Variants in PPM1E observed in about 807,000 individuals in gnomAD.
The protein encoded by PPM1E is protein phosphatase, Mg2+/Mn2+ dependent 1E.
Under a neutral mutation model 65.9 loss-of-function variants are expected in PPM1E, and 20 were observed. That is an observed-to-expected ratio of 0.30 (90% confidence interval 0.21 to 0.44). The LOEUF (loss-of-function observed/expected upper bound fraction) is 0.44, where lower values mean the gene tolerates loss of function less well. Among genes scored for constraint, PPM1E ranks in the 20% least tolerant of loss-of-function variants. The pLI is 1.00. For synonymous variants in PPM1E, 352 were observed against 374.9 expected, an observed-to-expected ratio of 0.94 and a Z score of 0.70; for missense variants, 713 against 953.1, an observed-to-expected ratio of 0.75 and a Z score of 3.32.
intron 1 of PPM1E, among the ~76,000 whole-genome samples, chr17:58,876,250 G>A (rs1025711534): frequency 3.3e-5 from 5 of 152,192 alleles, no homozygotes; most frequent in African/African-American, 1.2e-4. Context: ...ACTTTTGTGA[G>A]CTTGATTAAT....
At position 58,980,487 on chromosome 17, in the gene PPM1E, T is replaced by C. The variant is rs759516881; in HGVS notation, c.1724T>C (p.Ile575Thr). The C allele has an allele frequency of 1.2e-6, 2 of 1,614,118 alleles. No homozygotes were observed. Among genetic ancestry groups the C allele is most frequent in the East Asian group, 4.5e-5 (2 of 44,864 alleles). ...EDPGYLDLTQ[I>T]EASKPHSAQF... ...CCAGGCTACCTAGATCTCACACAAATAGAAGCAAGCAAACCTCACAGTGCC... is the reference window on the plus strand; with the variant it reads ...CCAGGCTACCTAGATCTCACACAAACAGAAGCAAGCAAACCTCACAGTGCC... Residue 575 changes from isoleucine (I) to threonine (T), a missense_variant, in exon 7 of 7, where the codon ATA becomes ACA. Transcript: ENST00000308249. This position sits in a 1 kb window ranked among gnomAD's most constrained non-coding sequence, Gnocchi z 4.7.
intron 1 of PPM1E, among the ~76,000 whole-genome samples, chr17:58,850,144 T>A (rs1306256117): frequency 6.6e-6 from 1 of 152,106 alleles, no homozygotes; most frequent in East Asian, 1.9e-4. Flanking sequence ...TCTTCCTCCA[T>A]CCCTTTATTT....
At chr17:58,759,622 G>A (rs2049803833) in intron 1 of PPM1E, among the ~76,000 whole-genome samples, 1 of 152,086 alleles carries the variant, frequency 6.6e-6, no homozygotes, top group Non-Finnish European at 1.5e-5. Flanking sequence ...CATTATTAGA[G>A]CTATATTGTC....
chr17:58,756,170 C>A lies in PPM1E; in HGVS notation c.173C>A (p.Ala58Glu), dbSNP rs554134018. 12 of 1,579,212 alleles carry A rather than the reference C, an allele frequency of 7.6e-6. No homozygotes were observed. The highest frequency in any genetic ancestry group is 1.0e-5 in the Non-Finnish European group (12 of 1,162,522). The change falls in exon 1 of 7, where the codon GCG becomes GAG. Residue 58 changes from alanine to glutamate, a missense_variant. By Grantham distance (107) the Ala-to-Glu change is moderately radical. Around this residue, in one of 6 missense-constraint regions of PPM1E, gnomAD observed 212 missense variants for 204.0 expected, o/e 1.04. Transcript: ENST00000308249. ...GAACCTGAACTGGTAGAAGCTGAGG[C>A]GGCCGAGGCTTCGGTAGAGGAACCC... ...EPEPELVEAE[A>E]AEASVEEPGE...
Position 58,944,793 on chromosome 17 carries a change from C to T in PPM1E, c.465-10856C>T, listed in dbSNP as rs113418694. Among the ~76,000 whole-genome samples the T allele has an allele frequency of 8.1e-3, 1,239 of 152,250 alleles. 8 individuals carry two copies. The highest frequency in any genetic ancestry group is 0.015 in the Non-Finnish European group (991 of 68,014). On this transcript the variant is annotated intron_variant, in intron 1 of 6. Coordinates refer to ENST00000308249, the MANE Select transcript of PPM1E (RefSeq NM_014906.5). The stretch of plus-strand genomic sequence containing the variant: ...CGATTATAAACAATGCTGCTGTGCA[C>T]ATTAATGTATGAGTTTTTTGTGAAT...
At chr17:58,977,813 G>A (rs1598712933) in intron 6 of PPM1E, among the ~76,000 whole-genome samples, 2 of 152,254 alleles carry the variant, frequency 1.3e-5, no homozygotes, top group East Asian at 3.9e-4. Context: ...CGCAATCTGG[G>A]CTCACTGCAA....
At chr17:58,933,899 A>G (rs1460501889) in intron 1 of PPM1E, among the ~76,000 whole-genome samples, 1 of 152,082 alleles carries the variant, frequency 6.6e-6, no homozygotes, top group Non-Finnish European at 1.5e-5. Flanking sequence ...GTTCAAGACC[A>G]GCCTGGCCAA....
intron 1 of PPM1E, among the ~76,000 whole-genome samples, chr17:58,882,818 G>C (rs1030121054): frequency 1.3e-5 from 2 of 151,956 alleles, no homozygotes; most frequent in Non-Finnish European, 2.9e-5. Context: ...GGCAGTTAAG[G>C]TTTTATGTCT....
chr17:58,773,644 C>T (rs2049962813), intron 1 of PPM1E, among the ~76,000 whole-genome samples: 1 of 152,114 alleles, frequency 6.6e-6, no homozygotes, highest in African/African-American at 2.4e-5. Context: ...ATCCACAGCA[C>T]TAAGCCTTGT....
chr17:58,864,080 T>C (rs1028210610), intron 1 of PPM1E, among the ~76,000 whole-genome samples: 1 of 150,644 alleles, frequency 6.6e-6, no homozygotes, highest in African/African-American at 2.4e-5. Flanking sequence ...CTTCTGTCCA[T>C]ATCAACAGGA....
At chr17:58,762,527 A>C (rs2049831114) in intron 1 of PPM1E, among the ~76,000 whole-genome samples, 1 of 152,196 alleles carries the variant, frequency 6.6e-6, no homozygotes, top group Non-Finnish European at 1.5e-5. Flanking sequence ...CAAGTGTAAG[A>C]AACATAAAAG....
In PPM1E at chr17:58,908,207, G is replaced by A. The variant is rs576147397; in HGVS notation, c.465-47442G>A. Among the ~76,000 whole-genome samples the A allele has an allele frequency of 2.0e-3, 298 of 151,278 alleles. 2 individuals are homozygous for A. The highest frequency in any genetic ancestry group is 3.3e-3 in the Non-Finnish European group (221 of 67,798). On this transcript the variant is annotated intron_variant, in intron 1 of 6. Coordinates refer to ENST00000308249, the MANE Select transcript of PPM1E (RefSeq NM_014906.5). ...AGCAATTCTCCTGCCTCAGCCTCCC[G>A]AGTAGCTGGGATTATAGGCACCCAC... is the stretch of plus-strand genomic sequence containing the variant.
intron 6 of PPM1E, among the ~76,000 whole-genome samples, chr17:58,978,443 G>A (rs956270772): frequency 1.3e-5 from 2 of 152,188 alleles, no homozygotes; most frequent in African/African-American, 4.8e-5. Flanking sequence ...AGATGCGGTG[G>A]CTCATGCCTG....
intron 1 of PPM1E, among the ~76,000 whole-genome samples, chr17:58,796,781 A>C (rs950877034): frequency 6.6e-6 from 1 of 152,078 alleles, no homozygotes; most frequent in Non-Finnish European, 1.5e-5. Flanking sequence ...TTTATACATC[A>C]TTCTATCCAT....
chr17:58,828,850 G>A (rs2050569365), intron 1 of PPM1E, among the ~76,000 whole-genome samples: 1 of 152,030 alleles, frequency 6.6e-6, no homozygotes, highest in Non-Finnish European at 1.5e-5. Flanking sequence ...ATTATAGACA[G>A]TAACTCTTTG....
chr17:58,826,894 G>A (rs1295416029), intron 1 of PPM1E, among the ~76,000 whole-genome samples: 2 of 152,014 alleles, frequency 1.3e-5, no homozygotes, highest in East Asian at 3.9e-4. Context: ...CTCCCAAAGT[G>A]CTGGGATTAC....
intron 1 of PPM1E, among the ~76,000 whole-genome samples, chr17:58,797,426 T>C (rs2050217126): frequency 6.6e-6 from 1 of 152,194 alleles, no homozygotes; most frequent in African/African-American, 2.4e-5. Context: ...TCACCATAGA[T>C]TAATTTTGCC....
chr17:58,841,020 G>C (rs539750992), intron 1 of PPM1E, among the ~76,000 whole-genome samples: 1 of 152,172 alleles, frequency 6.6e-6, no homozygotes, highest in African/African-American at 2.4e-5. Context: ...TCGGGAACAG[G>C]ATATTGTGCA....
intron 1 of PPM1E, among the ~76,000 whole-genome samples, chr17:58,812,110 A>C (rs374049929): frequency 1.3e-5 from 2 of 152,030 alleles, no homozygotes; most frequent in South Asian, 4.2e-4. Context: ...ATGTCTCAGA[A>C]TTCCATTTTT....
Sources: gnomAD v4.1 joint callset for allele counts (sites outside exome capture counted in the v4.1 genomes callset) on GRCh38, gnomAD v4.1.1 for gene constraint, gnomAD v4.1.1 regional missense constraint, Gnocchi (gnomAD v3.1) non-coding constraint, MANE v1.5 for transcripts, NCBI Gene and HGNC (gene_info 2026-07-23, HGNC 2026-07-21) for gene names.